LRRC20: variants seen among roughly 807,000 people sequenced by gnomAD.
The protein encoded by LRRC20 is leucine rich repeat containing 20.
LRRC20 carries 11 observed loss-of-function variants against 14.4 expected under a neutral mutation model. That is an observed-to-expected ratio of 0.77 (90% CI 0.48 to 1.27). The LOEUF (loss-of-function observed/expected upper bound fraction) is 1.27, where lower values mean the gene tolerates loss of function less well. LRRC20 is among the 50% of genes most tolerant of loss of function. The probability of loss-of-function intolerance (pLI) is 0.00; values close to 1 mark genes in which losing one functional copy is unlikely to be tolerated. For synonymous variants in LRRC20, 121 were observed against 107.3 expected (o/e 1.13, Z -0.79); for missense variants, 219 against 251.2 (o/e 0.87, Z 0.87).
chr10:70,304,470 T>TTATATATATATATATATATATATATATA (rs57284629), intron 4 of LRRC20, among the ~76,000 whole-genome samples: 17 of 113,814 alleles, frequency 1.5e-4, no homozygotes, highest in Non-Finnish European at 2.7e-4. Flanking sequence ...GGCCACTTCT[T>TTATATATATATATATATATATATATATA]TATATATATA....
intron 2 of LRRC20, among the ~76,000 whole-genome samples, chr10:70,343,274 C>A (rs956031224): frequency 1.3e-5 from 2 of 152,172 alleles, no homozygotes; most frequent in Non-Finnish European, 2.9e-5. Context: ...ACACCCAGAG[C>A]ATAGTACCAG....
At chr10:70,302,990 G>A (rs1304543688) in intron 4 of LRRC20, among the ~76,000 whole-genome samples, 2 of 151,576 alleles carry the variant, frequency 1.3e-5, no homozygotes, top group Non-Finnish European at 2.9e-5. Flanking sequence ...GATTACAGGC[G>A]TGAGCCACTG....
intron 4 of LRRC20, among the ~76,000 whole-genome samples, chr10:70,310,824 C>T (rs541974651): frequency 6.6e-6 from 1 of 152,214 alleles, no homozygotes; most frequent in Non-Finnish European, 1.5e-5. Flanking sequence ...CCAGTCAGGG[C>T]CAGGCCTCTG....
chr10:70,379,108 T>G (rs1844613705), intron 1 of LRRC20, among the ~76,000 whole-genome samples: 1 of 152,180 alleles, frequency 6.6e-6, no homozygotes, highest in Admixed American at 6.5e-5. Context: ...CATTTGTGTT[T>G]CCAATCTGAA....
chr10:70,380,560 C>T (rs111464825), intron 1 of LRRC20, among the ~76,000 whole-genome samples: 1,911 of 152,344 alleles, frequency 0.013, 37 homozygotes, highest in African/African-American at 0.044. Context: ...GGCCAGATCG[C>T]CGCTTGGGGC....
At chr10:70,360,292 A>G (rs905371090) in intron 2 of LRRC20, among the ~76,000 whole-genome samples, 8 of 152,092 alleles carry the variant, frequency 5.3e-5, no homozygotes, top group Non-Finnish European at 7.4e-5. Context: ...CCTGGCCTCA[A>G]GTGATCCCAG....
chr10:70,308,616 G>A (rs144253148), intron 4 of LRRC20, among the ~76,000 whole-genome samples: 1 of 152,074 alleles, frequency 6.6e-6, no homozygotes, highest in Non-Finnish European at 1.5e-5. Context: ...GGGTTGGGGG[G>A]TGTGGCAGGG....
At chr10:70,332,085 G>A (rs187519799) in intron 3 of LRRC20, among the ~76,000 whole-genome samples, 17 of 152,250 alleles carry the variant, frequency 1.1e-4, no homozygotes, top group South Asian at 4.2e-4. Flanking sequence ...CTGAACCTGC[G>A]GCAATGAGCA....
At chr10:70,331,798 C>T (rs1407753521) in intron 3 of LRRC20, among the ~76,000 whole-genome samples, 4 of 152,188 alleles carry the variant, frequency 2.6e-5, no homozygotes, top group Admixed American at 1.3e-4. Context: ...CATGACATTT[C>T]CTTATTGATT....
Position 70,376,701 on chromosome 10 carries a change from C to G in LRRC20, c.-63-105G>C, listed in dbSNP as rs1844523788. The G allele has an allele frequency of 6.3e-6, 4 of 639,306 alleles. No individual in the cohort carries two copies. The South Asian group carries it at 7.5e-5, about 12-fold the overall frequency. The allele number at this position is 639,306 out of a possible 1,614,324, so 39.6% of individuals were successfully genotyped here. The stretch of plus-strand genomic sequence containing the variant: ...CCCCAGGACCCAGGCTGTCAGGAAG[C>G]CTGCAGGGAGGGCCCCAGGCCACTC... On this transcript the variant is annotated intron_variant, in intron 1 of 4. Transcript: ENST00000446961.
At position 70,367,365 on chromosome 10, in the gene LRRC20, G is replaced by GAAAAAT. The variant is rs533772442; in HGVS notation, c.82+9086_82+9087insATTTTT. 2.0e-4 allele frequency among the ~76,000 whole-genome samples: 29 copies of GAAAAAT among 145,910 alleles called. No individual in the cohort carries two copies. The South Asian group carries it at 6.5e-3, about 32-fold the overall frequency. ...AAAAGAAAGAAAAGAAAAAGAAAAA[G>GAAAAAT]AAAAAGAAAACTTTGCTTCACAGCA... On this transcript the variant is annotated intron_variant, in intron 2 of 4. Transcript: ENST00000446961.
intron 3 of LRRC20, among the ~76,000 whole-genome samples, chr10:70,331,050 C>CGTGAAGACGT (rs1362331596): frequency 2.0e-5 from 3 of 152,190 alleles, no homozygotes; most frequent in African/African-American, 7.2e-5. Flanking sequence ...GGTCCCCATC[C>CGTGAAGACGT]GTGAAGACGT....
intron 2 of LRRC20, among the ~76,000 whole-genome samples, chr10:70,347,402 C>T (rs1170571073): frequency 6.6e-6 from 1 of 152,080 alleles, no homozygotes; most frequent in East Asian, 1.9e-4. Flanking sequence ...GTACTCAAAG[C>T]AGCCTGTCTT....
chr10:70,349,419 A>T (rs1843206945), intron 2 of LRRC20, among the ~76,000 whole-genome samples: 1 of 152,082 alleles, frequency 6.6e-6, no homozygotes, highest in Admixed American at 6.5e-5. Flanking sequence ...CTCTAATAAA[A>T]ATACAAAAAG....
Position 70,334,199 on chromosome 10 carries a change from C to T in LRRC20, c.232+6354G>A, listed in dbSNP as rs987069925. On this transcript the variant is annotated intron_variant, in intron 3 of 4. Coordinates refer to ENST00000446961, the MANE Select transcript of LRRC20 (RefSeq NM_001278212.2). ...TTCTGACAGAGTAGATCTGCCTGAT[C>T]CCATGCTACAACCAAACCTAAGCAT... Among the ~76,000 whole-genome samples, 4 of 152,150 alleles carry T rather than the reference C, an allele frequency of 2.6e-5. No homozygotes were observed. The East Asian group carries it at 7.7e-4, about 29-fold the overall frequency.
intron 2 of LRRC20, among the ~76,000 whole-genome samples, chr10:70,369,967 T>G (rs1415858004): frequency 1.3e-5 from 2 of 152,032 alleles, no homozygotes; most frequent in African/African-American, 4.8e-5. Flanking sequence ...AGCTAATTTT[T>G]GGGGATAGCT....
chr10:70,348,260 C>G (rs1311852496), intron 2 of LRRC20, among the ~76,000 whole-genome samples: 6 of 152,146 alleles, frequency 3.9e-5, no homozygotes, highest in Non-Finnish European at 8.8e-5. Context: ...GCCCCATCAC[C>G]AGCCACTAAC....
At position 70,371,556 on chromosome 10, in the gene LRRC20, C is replaced by T. The variant is rs377041731; in HGVS notation, c.82+4896G>A. 2.6e-4 allele frequency among the ~76,000 whole-genome samples: 40 copies of T among 151,908 alleles called. No homozygotes were observed. In the East Asian group the frequency reaches 6.6e-3, roughly 25 times the overall value. Reference sequence around the variant, plus strand: ...GGAGCGGGGTGCAGGGAAGCCTGGCCCCACAACCACAGGCTGGAGGGAAGG... The same window carrying T: ...GGAGCGGGGTGCAGGGAAGCCTGGCTCCACAACCACAGGCTGGAGGGAAGG... On this transcript the variant is annotated intron_variant, in intron 2 of 4. Transcript: ENST00000446961.
rs368437932 is a variant in LRRC20, at chr10:70,364,822, A to G, written c.82+11630T>C. 1.6e-4 allele frequency among the ~76,000 whole-genome samples: 25 copies of G among 152,256 alleles called. No individual in the cohort carries two copies. The South Asian group carries it at 5.0e-3, about 30-fold the overall frequency. Reference sequence around the variant, plus strand: ...TCCACAGCTCCCAGCCTAGCTGCTCAGGTCCCTCCCCAGGAGCACATCACA... The same window carrying G: ...TCCACAGCTCCCAGCCTAGCTGCTCGGGTCCCTCCCCAGGAGCACATCACA... On this transcript the variant is annotated intron_variant, in intron 2 of 4. Transcript: ENST00000446961.
Sources: allele counts gnomAD v4.1 joint callset (sites outside exome capture counted in the v4.1 genomes callset), GRCh38; gene constraint gnomAD v4.1.1; transcripts MANE v1.5; gene names NCBI Gene and HGNC (gene_info 2026-07-23, HGNC 2026-07-21).